Variants in SLMAP observed in about 807,000 individuals in gnomAD.
SLMAP encodes sarcolemmal membrane-associated protein.
Under a neutral mutation model 128.8 loss-of-function variants are expected in SLMAP, and 44 were observed. That is an observed-to-expected ratio of 0.34 (90% CI 0.27 to 0.44). The LOEUF (loss-of-function observed/expected upper bound fraction) is 0.44, where lower values mean the gene tolerates loss of function less well. Among genes scored for constraint, SLMAP ranks in the 20% least tolerant of loss-of-function variants. The pLI is 1.00. For missense variants in SLMAP, 787 were observed against 985.3 expected (o/e 0.80, Z 2.69); for synonymous variants, 327 against 348.8 (o/e 0.94, Z 0.70).
chr3:57,798,479 C>T (rs1039178331), intron 2 of SLMAP, among the ~76,000 whole-genome samples: 3 of 152,030 alleles, frequency 2.0e-5, no homozygotes, highest in East Asian at 1.9e-4. Flanking sequence ...GTTGCATGGG[C>T]TGTTAGGTTG....
At chr3:57,808,767 T>C (rs1239145312) in intron 2 of SLMAP, among the ~76,000 whole-genome samples, 1 of 152,254 alleles carries the variant, frequency 6.6e-6, no homozygotes, top group East Asian at 1.9e-4. Context: ...TAGAAGTCTA[T>C]TAGGTCCACT....
At chr3:57,771,109 C>T (rs946316653) in intron 2 of SLMAP, among the ~76,000 whole-genome samples, 2 of 151,766 alleles carry the variant, frequency 1.3e-5, no homozygotes, top group Admixed American at 6.6e-5. Flanking sequence ...ACGCAAACTC[C>T]TCTCCTGTAT....
intron 6 of SLMAP, among the ~76,000 whole-genome samples, chr3:57,853,960 T>TATATTTAC (rs2094613708): frequency 1.7e-5 from 1 of 59,798 alleles, no homozygotes; most frequent in African/African-American, 7.7e-5. Context: ...AAAAATTATA[T>TATATTTAC]ATATATATAT....
intron 2 of SLMAP, among the ~76,000 whole-genome samples, chr3:57,830,595 G>T (rs1375957323): frequency 6.6e-6 from 1 of 152,104 alleles, no homozygotes; most frequent in Non-Finnish European, 1.5e-5. Flanking sequence ...TAGGCTTCTT[G>T]TGCCTCCTGC....
At chr3:57,904,637 G>A (rs72878804) in intron 17 of SLMAP, among the ~76,000 whole-genome samples, 2,144 of 152,226 alleles carry the variant, frequency 0.014, 57 homozygotes, top group African/African-American at 0.048. Context: ...GGCCCAGCAT[G>A]GTAGCTCATA....
At chr3:57,871,755 A>G (rs181805997) in intron 14 of SLMAP, 57 bp downstream of exon 14, 170 of 1,304,426 alleles carry the variant, frequency 1.3e-4, no homozygotes, top group East Asian at 1.4e-4. Flanking sequence ...TAAAACTTAA[A>G]AGTGAGAGGT....
chr3:57,787,200 C>CT (rs1424016915), intron 2 of SLMAP, among the ~76,000 whole-genome samples: 1 of 152,090 alleles, frequency 6.6e-6, no homozygotes, highest in Non-Finnish European at 1.5e-5. Context: ...AAGTAATGTT[C>CT]TTTTTATGGG....
chr3:57,788,062 G>T (rs1212754367), intron 2 of SLMAP, among the ~76,000 whole-genome samples: 2 of 152,186 alleles, frequency 1.3e-5, no homozygotes, highest in African/African-American at 2.4e-5. Flanking sequence ...GCAAGACTTT[G>T]TCATGCAAAT....
chr3:57,861,831 A>C, intron 9 of SLMAP, 118 bp from the exon 10 acceptor site: 1 of 790,322 alleles, frequency 1.3e-6, no homozygotes. Flanking sequence ...AGTCCAGGGC[A>C]GATGTTGATT....
chr3:57,779,986 A>G (rs2082686243), intron 2 of SLMAP, among the ~76,000 whole-genome samples: 1 of 151,724 alleles, frequency 6.6e-6, no homozygotes, highest in South Asian at 2.1e-4. Flanking sequence ...TTATTTTTAT[A>G]TTTAACTTAA....
intron 13 of SLMAP, among the ~76,000 whole-genome samples, chr3:57,867,367 C>A (rs1358842389): frequency 6.6e-6 from 1 of 152,020 alleles, no homozygotes; most frequent in Non-Finnish European, 1.5e-5. Flanking sequence ...TTTTCCAGTT[C>A]CAGTTGGTTC....
chr3:57,873,597 C>T (rs977444247), intron 14 of SLMAP, among the ~76,000 whole-genome samples: 7 of 152,176 alleles, frequency 4.6e-5, no homozygotes, highest in African/African-American at 1.7e-4. Context: ...TACTAAATCT[C>T]ATTTTCATGG....
chr3:57,815,283 C>T (rs1025269837), intron 2 of SLMAP, among the ~76,000 whole-genome samples: 25 of 152,096 alleles, frequency 1.6e-4, no homozygotes, highest in African/African-American at 5.6e-4. Context: ...TCCTGTTGTG[C>T]GGCCCATTTC....
At chr3:57,762,711 T>TG (rs1345711994) in intron 2 of SLMAP, among the ~76,000 whole-genome samples, 11 of 92,142 alleles carry the variant, frequency 1.2e-4, no homozygotes, top group Non-Finnish European at 2.1e-4. Context: ...AGTAGAATGG[T>TG]TTTTTTTTTT....
In SLMAP at chr3:57,864,669, T is replaced by C; in HGVS notation, c.1088T>C (p.Leu363Ser). The change falls in exon 11 of 25, where the codon TTG becomes TCG. Residue 363 changes from leucine to serine, a missense_variant. Around this residue, in one of 2 missense-constraint regions of SLMAP, gnomAD observed 715 missense variants for 843.6 expected, o/e 0.85. Coordinates refer to ENST00000671191, the MANE Select transcript of SLMAP (RefSeq NM_001377540.1). ...GAGCTCCAGGCAAAAATAGAAGCTT[T>C]GCAAGCTGATAATGATTTCACCAAT... Reference protein sequence around the residue: ...EQELQAKIEALQADNDFTNER... With the variant: ...EQELQAKIEASQADNDFTNER... The C allele has an allele frequency of 6.3e-7, 1 of 1,597,288 alleles. No homozygotes were observed. Among genetic ancestry groups the C allele is most frequent in the Non-Finnish European group, 8.5e-7 (1 of 1,175,832 alleles).
chr3:57,888,946 G>T (rs1001226620), intron 14 of SLMAP, among the ~76,000 whole-genome samples: 2 of 150,948 alleles, frequency 1.3e-5, no homozygotes, highest in African/African-American at 4.9e-5. Context: ...ATACAGTGGC[G>T]CCATCTCTGC....
Position 57,929,876 on chromosome 3 carries a change from G to A in SLMAP, c.*2587G>A, listed in dbSNP as rs1312172437. On this transcript the variant is annotated 3_prime_UTR_variant, in exon 25 of 25. Coordinates refer to ENST00000671191, the MANE Select transcript of SLMAP (RefSeq NM_001377540.1). The stretch of plus-strand genomic sequence containing the variant: ...TGTGAACATTAAAAAGATAATGTAT[G>A]TGAAGTACCATTCGAGTGGTGAATA... Among the ~76,000 whole-genome samples, 1 of 152,182 alleles carries A rather than the reference G, an allele frequency of 6.6e-6. No individual in the cohort carries two copies. Among genetic ancestry groups the A allele is most frequent in the Non-Finnish European group, 1.5e-5 (1 of 68,042 alleles).
At chr3:57,842,957 T>C (rs1248905339) in intron 4 of SLMAP, among the ~76,000 whole-genome samples, 1 of 152,188 alleles carries the variant, frequency 6.6e-6, no homozygotes. Context: ...ATTTTTCTCA[T>C]TTGAAATATG....
intron 4 of SLMAP, among the ~76,000 whole-genome samples, chr3:57,843,932 C>T (rs1390063729): frequency 6.6e-6 from 1 of 151,706 alleles, no homozygotes; most frequent in African/African-American, 2.4e-5. Context: ...AGGTGCATAC[C>T]ACCATGCCCA....
Sources: gnomAD v4.1 joint callset for allele counts (sites outside exome capture counted in the v4.1 genomes callset) on GRCh38, gnomAD v4.1.1 for gene constraint, gnomAD v4.1.1 regional missense constraint, MANE v1.5 for transcripts, NCBI Gene and HGNC (gene_info 2026-07-23, HGNC 2026-07-21) for gene names.